The following LILRB4 variants were observed in gnomAD, a reference collection of about 807,000 sequenced individuals.
LILRB4 encodes leukocyte immunoglobulin-like receptor subfamily B member 4.
Under a neutral mutation model 55.2 loss-of-function variants are expected in LILRB4, and 49 were observed. The observed-to-expected ratio is 0.89, with a 90% CI of 0.71 to 1.13. The LOEUF is 1.13. Among genes scored for constraint, LILRB4 ranks in the 50% most tolerant of loss-of-function variants. The probability of loss-of-function intolerance (pLI) is 0.00; values close to 1 mark genes in which losing one functional copy is unlikely to be tolerated. For missense variants in LILRB4, 590 were observed against 555.2 expected, an observed-to-expected ratio of 1.06 and a Z score of -0.63; for synonymous variants, 229 against 213.8, an observed-to-expected ratio of 1.07 and a Z score of -0.62.
intron 1 of LILRB4, 91 bp from the exon 2 acceptor site, chr19:54,663,439 GTC>G: frequency 2.0e-5 from 9 of 441,732 alleles, no homozygotes; most frequent in Non-Finnish European, 3.0e-5. Flanking sequence ...GCGAGACTCC[GTC>G]TCAAAAAAAA....
chr19:54,664,010 C>T, exon 3 of LILRB4: 1 of 1,614,078 alleles, frequency 6.2e-7, no homozygotes, highest in Non-Finnish European at 8.5e-7. Context: ...GGTCACAGCC[C>T]AGTGACCCCC....
At chr19:54,667,743 C>T in exon 11 of LILRB4, 1 of 1,611,532 alleles carries the variant, frequency 6.2e-7, no homozygotes, top group Non-Finnish European at 8.5e-7. Context: ...TGGGGAATTC[C>T]TGGACACAAA....
Position 54,666,727 on chromosome 19 carries a change from A to C in LILRB4, c.1019A>C (p.Asp340Ala). The change falls in exon 10 of 12, where the codon GAC becomes GCC. Residue 340 changes from aspartate to alanine, a missense_variant. Physicochemically the swap from Asp to Ala is moderately radical, Grantham distance 126. Coordinates refer to ENST00000430952, the Ensembl canonical transcript of LILRB4. This position sits in a 1 kb window ranked among gnomAD's most constrained non-coding sequence, Gnocchi z 4.8. ...GCCGTGAAGAACACACAGCCTGAGG[A>C]CGGGGTGGAAATGGACACTCGGGTG... 6.2e-7 allele frequency: 1 copy of C among 1,614,170 alleles called. No individual in the cohort carries two copies. Among genetic ancestry groups the C allele is most frequent in the South Asian group, 1.1e-5 (1 of 91,078 alleles).
chr19:54,664,273 GC>G lies in LILRB4; in HGVS notation c.446del (p.Pro149GlnfsTer7). ...GTGACCCTGCTGTGTCAGTCACGGAGCCCAATGGACACTTTTCTTCTGATCA... is the reference window on the plus strand; with the variant it reads ...GTGACCCTGCTGTGTCAGTCACGGAGCCAATGGACACTTTTCTTCTGATCA... On this transcript the variant is annotated frameshift_variant, in exon 4 of 12. Coordinates refer to ENST00000430952, the Ensembl canonical transcript of LILRB4. LOFTEE classifies it high-confidence loss of function. 1 of 1,614,132 alleles carries G rather than the reference GC, an allele frequency of 6.2e-7. No homozygotes were observed. The highest frequency in any genetic ancestry group is 8.5e-7 in the Non-Finnish European group (1 of 1,180,004).
At chr19:54,667,888 G>A (rs747565664) in exon 12 of LILRB4, 53 of 1,604,976 alleles carry the variant, frequency 3.3e-5, no homozygotes, top group Non-Finnish European at 4.3e-5. Context: ...TGCATCTGAA[G>A]CCCCCCAGGA....
At chr19:54,664,631 C>T in intron 4 of LILRB4, 146 bp downstream of exon 4, 2 of 1,024,846 alleles carry the variant, frequency 2.0e-6, no homozygotes, top group African/African-American at 1.6e-5. Context: ...CAGGGGCCCT[C>T]CCAGGCATGC....
At chr19:54,667,898 A>G in exon 12 of LILRB4, 1 of 1,599,150 alleles carries the variant, frequency 6.3e-7, no homozygotes, top group Non-Finnish European at 8.5e-7. Context: ...GCCCCCCAGG[A>G]TGTGACCTAC....
chr19:54,664,604 A>G (rs929469429), intron 4 of LILRB4, 119 bp downstream of exon 4: 2 of 1,170,434 alleles, frequency 1.7e-6, no homozygotes, highest in Admixed American at 5.1e-5. Context: ...CTCAGCCCTC[A>G]GAGGGGAGGA....
intron 10 of LILRB4, chr19:54,667,347 A>G: frequency 3.2e-6 from 2 of 619,506 alleles, no homozygotes; most frequent in East Asian, 3.0e-5. Context: ...TGATCCTCTA[A>G]TGGACGAGCC....
At chr19:54,664,028 G>C in exon 3 of LILRB4, 1 of 1,596,686 alleles carries the variant, frequency 6.3e-7, no homozygotes, top group Non-Finnish European at 8.5e-7. Flanking sequence ...CCCTGGAGCT[G>C]GTGATGACAG....
At chr19:54,668,591 A>C (rs968657413), downstream of LILRB4, 7 of 152,378 alleles carry the variant, frequency 4.6e-5, no homozygotes, top group Admixed American at 3.9e-4. Context: ...ATGAAATACG[A>C]AAAATTACAG....
At chr19:54,664,435 C>G in exon 4 of LILRB4, 2 of 1,602,962 alleles carry the variant, frequency 1.2e-6, no homozygotes, top group Non-Finnish European at 1.7e-6. Context: ...CACGGCTTCT[C>G]CCACTACCTG....
chr19:54,665,361 G>C lies in LILRB4; in HGVS notation c.757+181G>C, dbSNP rs1300003374. 1.3e-5 allele frequency among the ~76,000 whole-genome samples: 2 copies of C among 152,114 alleles called. No individual in the cohort carries two copies. Among genetic ancestry groups the C allele is most frequent in the Non-Finnish European group, 2.9e-5 (2 of 68,014 alleles). ...GGGTGGGAAAGTTCCTTTCAGCTCT[G>C]ACTCCCAGCTGTGCCCTCCTGGGAG... On this transcript the variant is annotated intron_variant, in intron 6 of 11. Transcript: ENST00000430952. The surrounding 1 kb of genome is among the most constrained non-coding windows in gnomAD (Gnocchi z 5.5).
Position 54,667,798 on chromosome 19 carries a change from G to A in LILRB4, c.1197+5G>A. ...GACAGACAGATGGACACTGAGGTGAGTCCTTTCCTCTCCAGGCCCCCAGGC... is the reference window on the plus strand; with the variant it reads ...GACAGACAGATGGACACTGAGGTGAATCCTTTCCTCTCCAGGCCCCCAGGC... On this transcript the variant is annotated splice_donor_5th_base_variant and intron_variant, in intron 11 of 11. Transcript: ENST00000430952. 6.2e-7 allele frequency: 1 copy of A among 1,610,072 alleles called. No homozygotes were observed. The highest frequency in any genetic ancestry group is 8.5e-7 in the Non-Finnish European group (1 of 1,178,798).
exon 3 of LILRB4, chr19:54,663,917 G>A (rs1281940095): frequency 1.2e-6 from 2 of 1,614,150 alleles, no homozygotes; most frequent in Non-Finnish European, 8.5e-7. Context: ...TGGAGCCCAA[G>A]AACAAGGCCA....
Position 54,666,666 on chromosome 19 carries a change from A to T in LILRB4, c.989-31A>T, listed in dbSNP as rs752458768. The stretch of plus-strand genomic sequence containing the variant: ...ATGAGAGGTCCCAGGGAACCTTCCC[A>T]GGAGATGAACCCCTTGCTCTACCCC... On this transcript the variant is annotated intron_variant, in intron 9 of 11. Transcript: ENST00000430952. This position sits in a 1 kb window ranked among gnomAD's most constrained non-coding sequence, Gnocchi z 4.8. 62 of 1,607,400 alleles carry T rather than the reference A, an allele frequency of 3.9e-5. No individual in the cohort carries two copies. Among genetic ancestry groups the T allele is most frequent in the Non-Finnish European group, 4.9e-5 (58 of 1,174,454 alleles).
Position 54,663,084 on chromosome 19 carries a change from G to A in LILRB4, c.34+17G>A. 6.2e-7 allele frequency: 1 copy of A among 1,606,414 alleles called. No homozygotes were observed. The highest frequency in any genetic ancestry group is 8.5e-7 in the Non-Finnish European group (1 of 1,175,362). ...TCTGCCTCGGTGAGATTTAAAGAGG[G>A]GGAGGGGAGACCCGAGTCTTGGAGG... On this transcript the variant is annotated intron_variant, in intron 1 of 11. Coordinates refer to ENST00000430952, the Ensembl canonical transcript of LILRB4.
rs1438884528 is a variant in LILRB4 at position 54,667,618 on chromosome 19, C to G, written c.1042-20C>G. 1 of 1,611,094 alleles carries G rather than the reference C, an allele frequency of 6.2e-7. No homozygotes were observed. Among genetic ancestry groups the G allele is most frequent in the African/African-American group, 1.3e-5 (1 of 74,756 alleles). ...CAGGAGGATTCAAGGACACCCCCCA[C>G]CACTGTCTCTCTCCAGCAGAGCCCA... is the stretch of plus-strand genomic sequence containing the variant. On this transcript the variant is annotated intron_variant, in intron 10 of 11. Coordinates refer to ENST00000430952, the Ensembl canonical transcript of LILRB4.
At chr19:54,667,611 C>G in intron 10 of LILRB4, 24 bp from the exon 11 acceptor site, 3 of 1,609,514 alleles carry the variant, frequency 1.9e-6, no homozygotes, top group Non-Finnish European at 2.5e-6. Flanking sequence ...TTCAAGGACA[C>G]CCCCCACCAC....
Sources: allele counts gnomAD v4.1 joint callset (sites outside exome capture counted in the v4.1 genomes callset), GRCh38; gene constraint gnomAD v4.1.1; non-coding constraint Gnocchi (gnomAD v3.1); transcripts MANE v1.5; gene names NCBI Gene and HGNC (gene_info 2026-07-23, HGNC 2026-07-21).